The following WIPI2 variants were observed in gnomAD, a reference collection of about 807,000 sequenced individuals.
WIPI2 encodes the protein WD repeat domain, phosphoinositide interacting 2.
In WIPI2, 28 loss-of-function variants were observed where a neutral mutation model predicts 52.3. That is an observed-to-expected ratio of 0.54 (90% confidence interval 0.40 to 0.73). WIPI2 has a LOEUF of 0.73. Among genes scored for constraint, WIPI2 ranks in the 30% least tolerant of loss-of-function variants. The probability of loss-of-function intolerance (pLI) is 0.00; values close to 1 mark genes in which losing one functional copy is unlikely to be tolerated. For missense variants in WIPI2, 506 were observed against 602.9 expected, an observed-to-expected ratio of 0.84 and a Z score of 1.68; for synonymous variants, 268 against 245.0, an observed-to-expected ratio of 1.09 and a Z score of -0.88.
intron 3 of WIPI2, among the ~76,000 whole-genome samples, chr7:5,211,965 CT>C (rs1782584389): frequency 6.6e-6 from 1 of 152,264 alleles, no homozygotes; most frequent in Non-Finnish European, 1.5e-5. Context: ...AAGAGCACTT[CT>C]GCCTCTTGGA....
At chr7:5,205,256 G>A (rs1016965770) in intron 3 of WIPI2, among the ~76,000 whole-genome samples, 2 of 151,850 alleles carry the variant, frequency 1.3e-5, no homozygotes, top group African/African-American at 2.4e-5. Flanking sequence ...GATTACAGGC[G>A]CGAGCCACTG....
chr7:5,200,059 G>T (rs1391760796), intron 3 of WIPI2, among the ~76,000 whole-genome samples: 1 of 152,230 alleles, frequency 6.6e-6, no homozygotes, highest in Non-Finnish European at 1.5e-5. Flanking sequence ...GCATTTTACA[G>T]CATTGAAGTG....
In WIPI2 at chr7:5,190,325, C is replaced by G; in HGVS notation, c.-95C>G. 1.2e-6 allele frequency: 1 copy of G among 805,814 alleles called. No homozygotes were observed. Among genetic ancestry groups the G allele is most frequent in the Non-Finnish European group, 1.6e-6 (1 of 608,276 alleles). The allele number at this position is 805,814 out of a possible 1,614,324, so 49.9% of individuals were successfully genotyped here. A position where few individuals can be genotyped will look rare whatever the true frequency, so the allele number is the denominator to read the frequency against. On this transcript the variant is annotated 5_prime_UTR_variant, in exon 1 of 13. Transcript: ENST00000288828. ...GGGTGGCGAGTGGCGGCGACCGAGG[C>G]GGCGAGCGGGGCCCGGCGCCGACCC...
At chr7:5,199,196 A>C (rs1192616246) in intron 2 of WIPI2, among the ~76,000 whole-genome samples, 1 of 151,902 alleles carries the variant, frequency 6.6e-6, no homozygotes, top group Non-Finnish European at 1.5e-5. Flanking sequence ...ATGCCTAGCT[A>C]ATTGTTTTAT....
chr7:5,192,118 A>T (rs1167875744), intron 1 of WIPI2, among the ~76,000 whole-genome samples: 1 of 152,196 alleles, frequency 6.6e-6, no homozygotes, highest in Non-Finnish European at 1.5e-5. Flanking sequence ...TAGCATAACA[A>T]CGTGTAAAGA....
At chr7:5,207,707 A>G (rs902966796) in intron 3 of WIPI2, among the ~76,000 whole-genome samples, 8 of 150,820 alleles carry the variant, frequency 5.3e-5, no homozygotes, top group Admixed American at 2.0e-4. Context: ...CTAAGTGACT[A>G]TACCATTTGT....
At chr7:5,220,414 TG>T (rs1783059059) in intron 7 of WIPI2, among the ~76,000 whole-genome samples, 1 of 151,882 alleles carries the variant, frequency 6.6e-6, no homozygotes, top group African/African-American at 2.4e-5. Context: ...AGCTAATTTT[TG>T]TATTTTGAGT....
chr7:5,215,826 G>A (rs1008056452), intron 4 of WIPI2, among the ~76,000 whole-genome samples: 11 of 152,222 alleles, frequency 7.2e-5, no homozygotes, highest in East Asian at 5.8e-4. Context: ...GCGATGCATC[G>A]TCTGCATGTC....
intron 3 of WIPI2, among the ~76,000 whole-genome samples, chr7:5,206,391 T>C (rs749102451): frequency 2.6e-5 from 4 of 152,212 alleles, no homozygotes; most frequent in Non-Finnish European, 5.9e-5. Context: ...AGTTAATATT[T>C]GTTGGATTAG....
intron 2 of WIPI2, 39 bp from the exon 3 acceptor site, chr7:5,199,537 A>G (rs751835246): frequency 8.3e-6 from 13 of 1,570,054 alleles, no homozygotes; most frequent in Non-Finnish European, 1.0e-5. Context: ...CACTGTCTGC[A>G]CGTATCAGCT....
chr7:5,226,864 G>T, intron 9 of WIPI2: 1 of 258,858 alleles, frequency 3.9e-6, no homozygotes, highest in Non-Finnish European at 7.3e-6. Flanking sequence ...AGACCTAGCA[G>T]GGGTCATCAG....
chr7:5,190,789 A>G (rs1781442007), intron 1 of WIPI2: 8 of 275,134 alleles, frequency 2.9e-5, no homozygotes. Flanking sequence ...ACTTCTCGCA[A>G]AGTTGGGGCC....
At chr7:5,224,255 T>G (rs930658475) in intron 8 of WIPI2, among the ~76,000 whole-genome samples, 3 of 152,364 alleles carry the variant, frequency 2.0e-5, no homozygotes, top group African/African-American at 7.2e-5. Context: ...CCTGGCCGGC[T>G]TCTGTAACCC....
intron 7 of WIPI2, among the ~76,000 whole-genome samples, chr7:5,221,675 G>A (rs1783136709): frequency 6.6e-6 from 1 of 152,056 alleles, no homozygotes; most frequent in Admixed American, 6.6e-5. Context: ...TATTAACTTG[G>A]GGGAAGTTGG....
intron 3 of WIPI2, among the ~76,000 whole-genome samples, chr7:5,209,411 A>G (rs1472028419): frequency 1.3e-5 from 2 of 152,182 alleles, no homozygotes; most frequent in East Asian, 3.8e-4. Context: ...GTACAGTGTC[A>G]GCTGTAGATT....
chr7:5,197,646 T>C (rs139334527), intron 2 of WIPI2, among the ~76,000 whole-genome samples: 2 of 152,332 alleles, frequency 1.3e-5, no homozygotes, highest in African/African-American at 4.8e-5. Context: ...ATAGCAACTC[T>C]TCTTGGAATA....
chr7:5,195,805 C>T lies in WIPI2; in HGVS notation c.128+2634C>T, dbSNP rs111452059. On this transcript the variant is annotated intron_variant, in intron 2 of 12. Coordinates refer to ENST00000288828, the MANE Select transcript of WIPI2 (RefSeq NM_015610.4). ...CCTGTAATCCCAGCACTTTGGGAAG[C>T]CAGGGCAGGTGGATCACCAGGTCAG... 3.7e-4 allele frequency among the ~76,000 whole-genome samples: 57 copies of T among 152,150 alleles called. 1 individual carries two copies. The highest frequency in any genetic ancestry group is 3.4e-3 in the Middle Eastern group (1 of 292).
chr7:5,233,739 GGTGTT>G lies in WIPI2; in HGVS notation c.*2797_*2801del, dbSNP rs1783839445. On this transcript the variant is annotated 3_prime_UTR_variant, in exon 13 of 13. Transcript: ENST00000288828. The stretch of plus-strand genomic sequence containing the variant: ...TCCCTACCTCACAGGGCTGTTGTGA[GGTGTT>G]GTGTGACTGCGTGTCCTGCAAACGC... The G allele has an allele frequency of 6.6e-6, 1 of 152,270 alleles. No homozygotes were observed. The highest frequency in any genetic ancestry group is 1.5e-5 in the Non-Finnish European group (1 of 68,062). The allele number at this position is 152,270 out of a possible 1,614,324, so 9.4% of individuals were successfully genotyped here. A position where few individuals can be genotyped will look rare whatever the true frequency, so the allele number is the denominator to read the frequency against.
At chr7:5,204,669 G>A (rs1388605439) in intron 3 of WIPI2, among the ~76,000 whole-genome samples, 1 of 151,952 alleles carries the variant, frequency 6.6e-6, no homozygotes, top group Non-Finnish European at 1.5e-5. Flanking sequence ...TTTGTGTTAT[G>A]GCTGTTACCA....
Sources: gnomAD v4.1 joint callset for allele counts (sites outside exome capture counted in the v4.1 genomes callset) on GRCh38, gnomAD v4.1.1 for gene constraint, MANE v1.5 for transcripts, NCBI Gene and HGNC (gene_info 2026-07-23, HGNC 2026-07-21) for gene names.